The following PDE4B variants were observed in gnomAD, a reference collection of about 807,000 sequenced individuals.
PDE4B encodes the protein phosphodiesterase 4B, also known as 3',5'-cyclic-AMP phosphodiesterase 4B.
A neutral mutation model predicts 82.2 loss-of-function variants in PDE4B; 20 were observed. The observed-to-expected ratio is 0.24, with a 90% CI of 0.17 to 0.35. The LOEUF (loss-of-function observed/expected upper bound fraction) is 0.35, where lower values mean the gene tolerates loss of function less well. Ranked by LOEUF, PDE4B falls within the 10% of genes least tolerant of loss-of-function variation. The pLI, the probability that PDE4B is intolerant of heterozygous loss-of-function variation, is 1.00. For synonymous variants in PDE4B, 320 were observed against 318.9 expected (o/e 1.00, Z -0.04); for missense variants, 655 against 907.2 (o/e 0.72, Z 3.57).
intron 3 of PDE4B, among the ~76,000 whole-genome samples, chr1:65,997,977 C>T (rs1197815521): frequency 6.6e-6 from 1 of 151,976 alleles, no homozygotes; most frequent in Non-Finnish European, 1.5e-5. Context: ...TAGGAGTTTT[C>T]TAGGAGAAAA....
intron 3 of PDE4B, among the ~76,000 whole-genome samples, chr1:66,234,301 A>G (rs961846769): frequency 6.6e-6 from 1 of 152,058 alleles, no homozygotes; most frequent in Non-Finnish European, 1.5e-5. Flanking sequence ...TATTATTATT[A>G]TTTTTGAGAC....
chr1:66,061,990 T>C (rs889889996), intron 3 of PDE4B, among the ~76,000 whole-genome samples: 8 of 152,148 alleles, frequency 5.3e-5, no homozygotes, highest in Non-Finnish European at 8.8e-5. Flanking sequence ...GTGAGGTTCA[T>C]AAAGAAGCAA....
chr1:66,006,664 T>C (rs1365181339), intron 3 of PDE4B, among the ~76,000 whole-genome samples: 1 of 152,106 alleles, frequency 6.6e-6, no homozygotes, highest in Non-Finnish European at 1.5e-5. Context: ...TGGGAGGTAA[T>C]TGAATCATGG....
chr1:66,341,571 T>C (rs1175236048), intron 8 of PDE4B, among the ~76,000 whole-genome samples: 1 of 152,256 alleles, frequency 6.6e-6, no homozygotes, highest in African/African-American at 2.4e-5. Flanking sequence ...TAAAAAAGCC[T>C]TAAATTTTTG....
chr1:65,951,978 C>T (rs1003370110), intron 3 of PDE4B, among the ~76,000 whole-genome samples: 2 of 152,076 alleles, frequency 1.3e-5, no homozygotes, highest in African/African-American at 2.4e-5. Flanking sequence ...GGGTTTCACT[C>T]GTGTCTACTG....
intron 3 of PDE4B, among the ~76,000 whole-genome samples, chr1:66,116,548 G>T (rs1645597874): frequency 6.6e-6 from 1 of 152,040 alleles, no homozygotes; most frequent in South Asian, 2.1e-4. Context: ...AACATCCGGA[G>T]GTCAGTATAA....
At chr1:65,977,946 G>A (rs1242122116) in intron 3 of PDE4B, among the ~76,000 whole-genome samples, 1 of 152,042 alleles carries the variant, frequency 6.6e-6, no homozygotes, top group Non-Finnish European at 1.5e-5. Flanking sequence ...ATCCTGCAAA[G>A]GAGTATACTA....
chr1:66,363,683 G>A (rs1445732736), intron 12 of PDE4B, 112 bp downstream of exon 12: 7 of 828,086 alleles, frequency 8.5e-6, no homozygotes, highest in Non-Finnish European at 1.3e-5. Flanking sequence ...AGGCTGAGTT[G>A]GGAGGATTGC....
chr1:65,931,165 T>C (rs552601412), intron 3 of PDE4B, among the ~76,000 whole-genome samples: 1 of 152,298 alleles, frequency 6.6e-6, no homozygotes, highest in Non-Finnish European at 1.5e-5. Flanking sequence ...CCATGTAAGA[T>C]CTAACTGCCT....
intron 3 of PDE4B, among the ~76,000 whole-genome samples, chr1:66,092,883 A>G (rs1226740302): frequency 1.3e-5 from 2 of 152,080 alleles, no homozygotes; most frequent in Non-Finnish European, 2.9e-5. Flanking sequence ...GAATGAACCT[A>G]GAATGAGAGG....
intron 7 of PDE4B, among the ~76,000 whole-genome samples, chr1:66,322,671 G>A (rs1414177531): frequency 6.6e-6 from 1 of 151,934 alleles, no homozygotes; most frequent in Non-Finnish European, 1.5e-5. Flanking sequence ...ACATGCTGGA[G>A]AGGATGTGGA....
intron 8 of PDE4B, among the ~76,000 whole-genome samples, chr1:66,350,088 G>A (rs1661705280): frequency 6.6e-6 from 1 of 151,842 alleles, no homozygotes; most frequent in Non-Finnish European, 1.5e-5. Context: ...ACCACTGAAG[G>A]CACAGAATGC....
intron 3 of PDE4B, among the ~76,000 whole-genome samples, chr1:65,982,739 TG>T (rs1650750594): frequency 6.6e-6 from 1 of 151,958 alleles, no homozygotes; most frequent in Non-Finnish European, 1.5e-5. Flanking sequence ...TGAAGGAAAA[TG>T]GTCAGACTTC....
intron 3 of PDE4B, among the ~76,000 whole-genome samples, chr1:66,148,846 T>C (rs1180768940): frequency 6.6e-6 from 1 of 152,248 alleles, no homozygotes; most frequent in Non-Finnish European, 1.5e-5. Context: ...TTTATTCCTT[T>C]TTATTGTTGG....
chr1:65,934,189 C>G (rs1009636414), intron 3 of PDE4B, among the ~76,000 whole-genome samples: 1 of 152,126 alleles, frequency 6.6e-6, no homozygotes, highest in Admixed American at 6.6e-5. Context: ...AGGAAGACAG[C>G]ATGAGAGAGT....
intron 3 of PDE4B, among the ~76,000 whole-genome samples, chr1:66,106,564 G>A (rs1570249615): frequency 6.7e-6 from 1 of 149,966 alleles, no homozygotes; most frequent in Non-Finnish European, 1.5e-5. Context: ...AATCCATCTG[G>A]TCCTGGACTC....
chr1:66,118,820 T>A (rs1031812135), intron 3 of PDE4B, among the ~76,000 whole-genome samples: 7 of 152,224 alleles, frequency 4.6e-5, no homozygotes, highest in African/African-American at 1.7e-4. Flanking sequence ...ACGTGCCCTA[T>A]TTTTTCTTTC....
chr1:65,887,296 T>C (rs1446000407), intron 1 of PDE4B, among the ~76,000 whole-genome samples: 1 of 122,662 alleles, frequency 8.2e-6, no homozygotes, highest in East Asian at 2.3e-4. Flanking sequence ...TTTCTCTCTC[T>C]CTCTTTCCCT....
chr1:66,302,533 C>G (rs1189437790), intron 7 of PDE4B, among the ~76,000 whole-genome samples: 1 of 152,212 alleles, frequency 6.6e-6, no homozygotes, highest in African/African-American at 2.4e-5. Flanking sequence ...GAATAGTAAT[C>G]TCTTGTGTTT....
Sources: allele counts gnomAD v4.1 joint callset (sites outside exome capture counted in the v4.1 genomes callset), GRCh38; gene constraint gnomAD v4.1.1; transcripts MANE v1.5; gene names NCBI Gene and HGNC (gene_info 2026-07-23, HGNC 2026-07-21).